The following CFAP263 variants were observed in gnomAD, a reference collection of about 807,000 sequenced individuals.
The protein encoded by CFAP263 is cilia and flagella associated protein 263.
chr16:58,280,220 T>C, the CFAP263 span: 9 of 1,603,020 alleles, frequency 5.6e-6, no homozygotes, highest in Non-Finnish European at 7.7e-6. Flanking sequence ...GGGTAGCTCC[T>C]GGACTAGATA....
the CFAP263 span, chr16:58,279,839 T>G: frequency 3.1e-6 from 4 of 1,296,950 alleles, no homozygotes; most frequent in Non-Finnish European, 4.4e-6. Context: ...AGCTCCTTTC[T>G]AGTCACGGGC....
the CFAP263 span, chr16:58,280,978 T>C: frequency 1.8e-6 from 1 of 541,274 alleles, no homozygotes; most frequent in African/African-American, 1.9e-5. Flanking sequence ...GGACTTCTGC[T>C]GATTGCCTAT....
the CFAP263 span, among the ~76,000 whole-genome samples, chr16:58,279,318 C>G: frequency 6.6e-6 from 1 of 152,142 alleles, no homozygotes; most frequent in South Asian, 2.1e-4. Context: ...GACCCTGGCT[C>G]CCATTTCCTG....
At chr16:58,262,804 T>TAGATAGATAGATAGAC in the CFAP263 span, among the ~76,000 whole-genome samples, 1 of 151,304 alleles carries the variant, frequency 6.6e-6, no homozygotes, top group Non-Finnish European at 1.5e-5. Flanking sequence ...GATAGATAGA[T>TAGATAGATAGATAGAC]AGACAGATGC....
chr16:58,260,133 T>C, the CFAP263 span, among the ~76,000 whole-genome samples: 1 of 152,140 alleles, frequency 6.6e-6, no homozygotes, highest in African/African-American at 2.4e-5. Context: ...TTGAATTACC[T>C]GGGTGGGCCC....
chr16:58,271,863 T>A, the CFAP263 span, among the ~76,000 whole-genome samples: 1 of 152,196 alleles, frequency 6.6e-6, no homozygotes, highest in Non-Finnish European at 1.5e-5. Flanking sequence ...ACCGTACTCT[T>A]CGGAAGGAAG....
At chr16:58,265,974 G>C in the CFAP263 span, among the ~76,000 whole-genome samples, 1 of 152,142 alleles carries the variant, frequency 6.6e-6, no homozygotes, top group Non-Finnish European at 1.5e-5. Context: ...TGCTGGACTT[G>C]CGGCAAAGTC....
the CFAP263 span, among the ~76,000 whole-genome samples, chr16:58,265,789 C>T: frequency 2.0e-5 from 3 of 152,202 alleles, no homozygotes; most frequent in African/African-American, 7.2e-5. Flanking sequence ...CCTCAAGGGA[C>T]CCACATCTTG....
the CFAP263 span, chr16:58,278,484 C>T: frequency 6.2e-7 from 1 of 1,613,916 alleles, no homozygotes; most frequent in Non-Finnish European, 8.5e-7. Context: ...CAACCCAGGA[C>T]CGGGCCAAAG....
At chr16:58,266,198 G>A in the CFAP263 span, among the ~76,000 whole-genome samples, 5 of 151,406 alleles carry the variant, frequency 3.3e-5, no homozygotes, top group Non-Finnish European at 2.9e-5. Context: ...TTGACACCCC[G>A]GGGCAATGCC....
the CFAP263 span, chr16:58,254,233 G>C: frequency 1.3e-6 from 2 of 1,491,224 alleles, no homozygotes; most frequent in Non-Finnish European, 9.3e-7. Flanking sequence ...TATCTAGAGT[G>C]GGTTCATGTG....
chr16:58,271,032 G>A, the CFAP263 span, among the ~76,000 whole-genome samples: 1 of 151,982 alleles, frequency 6.6e-6, no homozygotes, highest in Non-Finnish European at 1.5e-5. Context: ...TTATACATTT[G>A]ATTTTTAAAT....
chr16:58,280,233 G>A, the CFAP263 span: 1 of 1,610,600 alleles, frequency 6.2e-7, no homozygotes, highest in Non-Finnish European at 8.5e-7. Flanking sequence ...ACTAGATACT[G>A]CTGCAAAAGA....
chr16:58,274,003 C>A, the CFAP263 span, among the ~76,000 whole-genome samples: 1 of 152,246 alleles, frequency 6.6e-6, no homozygotes, highest in Non-Finnish European at 1.5e-5. Flanking sequence ...TTTGACTCTG[C>A]ATCTTCCTAC....
At chr16:58,262,524 T>C in the CFAP263 span, 1 of 1,606,654 alleles carries the variant, frequency 6.2e-7, no homozygotes, top group South Asian at 1.1e-5. Context: ...ACTCTGCAGG[T>C]TCTCAATGCC....
chr16:58,270,703 G>A, the CFAP263 span, among the ~76,000 whole-genome samples: 10 of 152,036 alleles, frequency 6.6e-5, no homozygotes, highest in African/African-American at 2.4e-4. Context: ...ATATCATGAA[G>A]ATTTACTCCT....
chr16:58,279,214 G>A, the CFAP263 span, among the ~76,000 whole-genome samples: 2 of 152,100 alleles, frequency 1.3e-5, no homozygotes, highest in East Asian at 1.9e-4. Flanking sequence ...CCGTGGCCAG[G>A]TTGCAAACTG....
At chr16:58,259,949 T>G in the CFAP263 span, 3 of 1,539,872 alleles carry the variant, frequency 1.9e-6, no homozygotes, top group East Asian at 6.8e-5. Flanking sequence ...GTGGTCCTTT[T>G]TCTCTCTCTC....
chr16:58,251,453 A>G, the CFAP263 span, among the ~76,000 whole-genome samples: 7 of 152,326 alleles, frequency 4.6e-5, no homozygotes, highest in East Asian at 1.2e-3. Context: ...GTACAATGGC[A>G]TGATCTCGGC....
Sources: allele counts gnomAD v4.1 joint callset (sites outside exome capture counted in the v4.1 genomes callset), GRCh38; gene constraint gnomAD v4.1.1; transcripts MANE v1.5; gene names NCBI Gene and HGNC (gene_info 2026-07-23, HGNC 2026-07-21).